Variants in PIP5K1B observed in about 807,000 individuals in gnomAD.
PIP5K1B encodes phosphatidylinositol-4-phosphate 5-kinase type 1 beta.
In PIP5K1B, 42 loss-of-function variants were observed where a neutral mutation model predicts 67.0. The ratio of observed to expected loss-of-function variants is 0.63; its 90% CI spans 0.49 to 0.81. PIP5K1B has a LOEUF of 0.81. PIP5K1B is among the 30% of genes least tolerant of loss of function. The pLI is 0.00. For synonymous variants in PIP5K1B, 214 were observed against 231.4 expected (o/e 0.92, Z 0.68); for missense variants, 459 against 646.3 (o/e 0.71, Z 3.14).
chr9:68,731,976 A>C (rs1208300280), intron 1 of PIP5K1B, among the ~76,000 whole-genome samples: 2 of 152,144 alleles, frequency 1.3e-5, no homozygotes, highest in African/African-American at 4.8e-5. Flanking sequence ...TGTGGGAAGT[A>C]ATGGCGTTGA....
intron 2 of PIP5K1B, among the ~76,000 whole-genome samples, chr9:68,746,418 A>C (rs1175627510): frequency 1.3e-5 from 2 of 152,016 alleles, no homozygotes; most frequent in Non-Finnish European, 2.9e-5. Flanking sequence ...ACAAGGCTTA[A>C]TTTTTGGTAT....
chr9:68,866,310 GA>G (rs1823352368), intron 5 of PIP5K1B, among the ~76,000 whole-genome samples: 2 of 148,614 alleles, frequency 1.3e-5, no homozygotes, highest in African/African-American at 2.5e-5. Context: ...AAAAAAAAAA[GA>G]AAAAAATTAC....
At chr9:68,847,863 A>G (rs2132185927) in intron 4 of PIP5K1B, among the ~76,000 whole-genome samples, 1 of 152,326 alleles carries the variant, frequency 6.6e-6, no homozygotes, top group South Asian at 2.1e-4. Flanking sequence ...AAACAGGCCC[A>G]TGTAGCCAAT....
chr9:68,850,485 C>G (rs1282687374), intron 4 of PIP5K1B, among the ~76,000 whole-genome samples: 1 of 152,212 alleles, frequency 6.6e-6, no homozygotes, highest in African/African-American at 2.4e-5. Context: ...GGTGTGACAA[C>G]CCAAATTGTC....
At chr9:68,978,570 GTGTTCTGACCA>G (rs1192132998) in intron 14 of PIP5K1B, among the ~76,000 whole-genome samples, 2 of 152,290 alleles carry the variant, frequency 1.3e-5, no homozygotes, top group Non-Finnish European at 2.9e-5. Context: ...CCCTAAGTTG[GTGTTCTGACCA>G]TGTCTGCTTA....
At chr9:68,845,779 A>G (rs978889999) in intron 4 of PIP5K1B, among the ~76,000 whole-genome samples, 1 of 152,230 alleles carries the variant, frequency 6.6e-6, no homozygotes, top group Non-Finnish European at 1.5e-5. Context: ...TTGAAACGTG[A>G]GGTTACATGG....
In PIP5K1B at chr9:68,876,750, C is replaced by A. The variant is rs1823918894; in HGVS notation, c.274C>A (p.Arg92=). 1.2e-6 allele frequency: 2 copies of A among 1,608,406 alleles called. No individual in the cohort carries two copies. Among genetic ancestry groups the A allele is most frequent in the African/African-American group, 1.3e-5 (1 of 74,798 alleles). Residue 92 remains arginine, a synonymous_variant, in exon 6 of 16, where the codon CGA becomes AGA. Coordinates refer to ENST00000265382, the MANE Select transcript of PIP5K1B (RefSeq NM_003558.4). ...TAAGACATACGCTCCATTAGCATTC[C>A]GATATTTCAGAGAACTTTTTGGTAT... The part of the protein sequence containing the change: ...RFKTYAPLAF[R]YFRELFGIKP...
In PIP5K1B at chr9:68,716,908, C is replaced by T. The variant is rs115142663; in HGVS notation, c.-243+11146C>T. Among the ~76,000 whole-genome samples, 1,083 of 152,180 alleles carry T rather than the reference C, an allele frequency of 7.1e-3. 12 individuals are homozygous for T. Among genetic ancestry groups the T allele is most frequent in the African/African-American group, 0.025 (1,047 of 41,508 alleles). On this transcript the variant is annotated intron_variant, in intron 1 of 15. Transcript: ENST00000265382. Reference sequence around the variant, plus strand: ...TATACACCATGGAATATTATGCAGCCATAAGAAAGAACAAAATCATGTTCT... The same window carrying T: ...TATACACCATGGAATATTATGCAGCTATAAGAAAGAACAAAATCATGTTCT...
chr9:68,795,747 C>A (rs1184799064), intron 2 of PIP5K1B, among the ~76,000 whole-genome samples: 1 of 152,126 alleles, frequency 6.6e-6, no homozygotes, highest in Non-Finnish European at 1.5e-5. Context: ...TTTTAGTTTT[C>A]CTAACATTCA....
chr9:68,708,838 G>T (rs1186609379), intron 1 of PIP5K1B, among the ~76,000 whole-genome samples: 1 of 152,122 alleles, frequency 6.6e-6, no homozygotes, highest in African/African-American at 2.4e-5. Context: ...TGATAAGAAA[G>T]AATATAGTGA....
At position 68,921,786 on chromosome 9, in the gene PIP5K1B, C is replaced by T. The variant is rs532929128; in HGVS notation, c.1117-1516C>T. On this transcript the variant is annotated intron_variant, in intron 11 of 15. Coordinates refer to ENST00000265382, the MANE Select transcript of PIP5K1B (RefSeq NM_003558.4). The stretch of plus-strand genomic sequence containing the variant: ...GAATCGCTTGAACCCAGGAGGCAGA[C>T]GTTGCAGTGAGCCAAGATCGTGCTA... Among the ~76,000 whole-genome samples, 6 of 152,098 alleles carry T rather than the reference C, an allele frequency of 3.9e-5. No homozygotes were observed. In the East Asian group the frequency reaches 5.8e-4, roughly 15 times the overall value.
At chr9:68,822,818 C>G in intron 4 of PIP5K1B, 135 bp downstream of exon 4, 2 of 667,486 alleles carry the variant, frequency 3.0e-6, no homozygotes, top group Admixed American at 2.7e-5. Flanking sequence ...TAACTAATTA[C>G]TGCAAATTTA....
intron 14 of PIP5K1B, chr9:68,966,821 T>C (rs935057451): frequency 1.3e-5 from 2 of 152,238 alleles, no homozygotes; most frequent in African/African-American, 2.4e-5. Context: ...AGTAACACTT[T>C]GTTATAATGT....
chr9:68,725,814 G>C (rs1333506152), intron 1 of PIP5K1B, among the ~76,000 whole-genome samples: 1 of 152,072 alleles, frequency 6.6e-6, no homozygotes, highest in Non-Finnish European at 1.5e-5. Flanking sequence ...CATGTGAGAG[G>C]GTCCAAACTA....
intron 14 of PIP5K1B, among the ~76,000 whole-genome samples, chr9:68,952,807 C>A (rs1265697918): frequency 1.5e-5 from 2 of 132,624 alleles, no homozygotes; most frequent in African/African-American, 7.2e-5. Context: ...GTCTGCCTGT[C>A]TGCCTGCCTG....
intron 14 of PIP5K1B, among the ~76,000 whole-genome samples, chr9:68,978,585 CT>C: frequency 6.6e-6 from 1 of 152,194 alleles, no homozygotes; most frequent in African/African-American, 2.4e-5. Flanking sequence ...CTGACCATGT[CT>C]GCTTACTTTT....
chr9:68,950,506 G>C (rs912510745), intron 14 of PIP5K1B, among the ~76,000 whole-genome samples: 6 of 152,126 alleles, frequency 3.9e-5, no homozygotes, highest in African/African-American at 1.4e-4. Context: ...CTCTCTTCGA[G>C]ACGTTTCCCT....
intron 4 of PIP5K1B, among the ~76,000 whole-genome samples, chr9:68,859,256 T>C (rs1822935555): frequency 6.6e-6 from 1 of 152,340 alleles, no homozygotes; most frequent in African/African-American, 2.4e-5. Context: ...AAATGCAAGC[T>C]GATATTCATT....
At chr9:68,735,986 A>G (rs1828717878) in intron 1 of PIP5K1B, among the ~76,000 whole-genome samples, 1 of 152,298 alleles carries the variant, frequency 6.6e-6, no homozygotes, top group Non-Finnish European at 1.5e-5. Flanking sequence ...AGCCTGGAGC[A>G]GGGTCAGCCA....
Sources: allele counts gnomAD v4.1 joint callset (sites outside exome capture counted in the v4.1 genomes callset), GRCh38; gene constraint gnomAD v4.1.1; transcripts MANE v1.5; gene names NCBI Gene and HGNC (gene_info 2026-07-23, HGNC 2026-07-21).